RTTN: variants seen among roughly 807,000 people sequenced by gnomAD.
RTTN encodes the protein rotatin.
In RTTN, 182 loss-of-function variants were observed where a neutral mutation model predicts 269.2. The ratio of observed to expected loss-of-function variants is 0.68; its 90% CI spans 0.60 to 0.76. RTTN has a LOEUF of 0.76. Among genes scored for constraint, RTTN ranks in the 30% least tolerant of loss-of-function variants. RTTN has a pLI of 0.00. For synonymous variants in RTTN, 1,006 were observed against 963.5 expected, an observed-to-expected ratio of 1.04 and a Z score of -0.82; for missense variants, 2,545 against 2,608.6, an observed-to-expected ratio of 0.98 and a Z score of 0.53.
intron 28 of RTTN, among the ~76,000 whole-genome samples, chr18:70,107,320 T>A (rs1050041924): frequency 1.3e-5 from 2 of 152,236 alleles, no homozygotes; most frequent in Non-Finnish European, 2.9e-5. Context: ...CAGCTGCTCA[T>A]AAGCCTTTCA....
chr18:70,051,592 G>A lies in RTTN; in HGVS notation c.5186-44C>T, dbSNP rs1455724097. 2.1e-6 allele frequency: 3 copies of A among 1,452,972 alleles called. No homozygotes were observed. The South Asian group carries it at 3.8e-5, about 19-fold the overall frequency. 90.0% of individuals were successfully genotyped at this position (1,452,972 alleles called of 1,614,324 possible). On this transcript the variant is annotated intron_variant, in intron 38 of 48. Transcript: ENST00000640769. Reference sequence around the variant, plus strand: ...CACTTCAAGTTATTAACACAAAGAAGGAAAAGAACCTTTCAAGATATAAAA... The same window carrying A: ...CACTTCAAGTTATTAACACAAAGAAAGAAAAGAACCTTTCAAGATATAAAA...
At chr18:70,187,645 A>G (rs916214147) in intron 10 of RTTN, among the ~76,000 whole-genome samples, 8 of 152,228 alleles carry the variant, frequency 5.3e-5, no homozygotes, top group African/African-American at 1.7e-4. Context: ...ACTTTTCATT[A>G]GAATTGTTCA....
At chr18:70,041,056 A>C (rs934763610) in intron 40 of RTTN, among the ~76,000 whole-genome samples, 1 of 151,708 alleles carries the variant, frequency 6.6e-6, no homozygotes, top group Admixed American at 6.6e-5. Flanking sequence ...AAAATATAAA[A>C]ATTAGCTGGG....
At chr18:70,098,732 G>A (rs535129372) in intron 28 of RTTN, among the ~76,000 whole-genome samples, 6 of 152,160 alleles carry the variant, frequency 3.9e-5, no homozygotes, top group South Asian at 4.1e-4. Flanking sequence ...CCATGTTGGT[G>A]TGCTGCACCT....
rs555867809 is a variant in RTTN, at chr18:70,064,834, T to G, written c.4747+995A>C. On this transcript the variant is annotated intron_variant, in intron 35 of 48. Transcript: ENST00000640769. The stretch of plus-strand genomic sequence containing the variant: ...CTTTAAACAAGTGAATTATATGGTA[T>G]GTGAATTATATCTCAATAAAGATGT... Among the ~76,000 whole-genome samples the G allele has an allele frequency of 2.6e-5, 4 of 152,266 alleles. No individual in the cohort carries two copies. In the South Asian group the frequency reaches 8.3e-4, roughly 32 times the overall value.
chr18:70,011,285 A>C (rs188926666), intron 46 of RTTN, among the ~76,000 whole-genome samples: 12 of 152,300 alleles, frequency 7.9e-5, no homozygotes, highest in South Asian at 2.1e-4. Flanking sequence ...GACACACACA[A>C]AAAAAGGAAA....
chr18:70,114,882 T>C (rs969441598), intron 26 of RTTN, among the ~76,000 whole-genome samples: 4 of 152,098 alleles, frequency 2.6e-5, no homozygotes, highest in Admixed American at 1.3e-4. Context: ...TATATTGATA[T>C]ATAACTCTCC....
intron 46 of RTTN, among the ~76,000 whole-genome samples, chr18:70,014,176 A>C (rs2056474371): frequency 6.6e-6 from 1 of 152,240 alleles, no homozygotes. Flanking sequence ...AATTTTAATT[A>C]GTTTAAATTT....
chr18:70,130,802 AAC>A (rs1055396441), intron 23 of RTTN: 7 of 152,150 alleles, frequency 4.6e-5, no homozygotes, highest in African/African-American at 1.7e-4. Flanking sequence ...AAATGTTCCT[AAC>A]ACAGAGAATC....
chr18:70,178,335 A>G (rs891237914), intron 10 of RTTN, among the ~76,000 whole-genome samples: 1 of 151,916 alleles, frequency 6.6e-6, no homozygotes, highest in African/African-American at 2.4e-5. Flanking sequence ...GCCAAATACA[A>G]AAGTAAAATA....
chr18:70,098,712 T>A (rs1326314716), intron 28 of RTTN, among the ~76,000 whole-genome samples: 1 of 152,212 alleles, frequency 6.6e-6, no homozygotes, highest in Non-Finnish European at 1.5e-5. Flanking sequence ...GTTACATATG[T>A]ATACATGTGC....
chr18:70,122,937 C>T (rs1204588757), intron 25 of RTTN, among the ~76,000 whole-genome samples: 1 of 152,122 alleles, frequency 6.6e-6, no homozygotes, highest in East Asian at 1.9e-4. Flanking sequence ...TAACCACCCT[C>T]ATATCCCCTA....
intron 23 of RTTN, 35 bp downstream of exon 23, chr18:70,134,438 G>A (rs757159338): frequency 2.6e-5 from 37 of 1,424,270 alleles, no homozygotes; most frequent in Non-Finnish European, 3.4e-5. Context: ...ACAACATTTC[G>A]TCCTTCAAGA....
At chr18:70,005,517 T>C in intron 47 of RTTN, 1 of 338,336 alleles carries the variant, frequency 3.0e-6, no homozygotes, top group Non-Finnish European at 5.3e-6. Flanking sequence ...CCCTTCTCTT[T>C]TACTCCTTCT....
chr18:70,026,909 A>G (rs903252230), intron 43 of RTTN, among the ~76,000 whole-genome samples: 7 of 152,164 alleles, frequency 4.6e-5, no homozygotes, highest in Admixed American at 2.0e-4. Flanking sequence ...TGGATGCCCC[A>G]AAGACTCTTG....
chr18:70,169,352 T>C (rs868796146), intron 11 of RTTN, among the ~76,000 whole-genome samples: 2 of 152,324 alleles, frequency 1.3e-5, no homozygotes, highest in Middle Eastern at 3.4e-3. Context: ...CTTCTCTCCT[T>C]GAGCCCTGCA....
At chr18:70,022,389 C>T (rs1288436457) in intron 44 of RTTN, among the ~76,000 whole-genome samples, 2 of 152,144 alleles carry the variant, frequency 1.3e-5, no homozygotes, top group East Asian at 3.9e-4. Flanking sequence ...TCTCACCTCT[C>T]TTACCCTCTC....
chr18:70,155,976 G>A (rs1425606712), intron 14 of RTTN, among the ~76,000 whole-genome samples: 2 of 152,116 alleles, frequency 1.3e-5, no homozygotes, highest in Non-Finnish European at 2.9e-5. Flanking sequence ...CGTAAGCTGA[G>A]GAGGATGTAT....
chr18:70,166,046 A>G lies in RTTN; in HGVS notation c.1929+16T>C, dbSNP rs768375239. The G allele has an allele frequency of 6.2e-7, 1 of 1,612,542 alleles. No homozygotes were observed. Among genetic ancestry groups the G allele is most frequent in the East Asian group, 2.2e-5 (1 of 44,798 alleles). ...TTGTTCTCAAAAACAAAACATACGA[A>G]AAAACAAAACCTCACCTTCGTGATT... is the stretch of plus-strand genomic sequence containing the variant. On this transcript the variant is annotated intron_variant, in intron 14 of 48. Coordinates refer to ENST00000640769, the MANE Select transcript of RTTN (RefSeq NM_173630.4).
Sources: gnomAD v4.1 joint callset for allele counts (sites outside exome capture counted in the v4.1 genomes callset) on GRCh38, gnomAD v4.1.1 for gene constraint, MANE v1.5 for transcripts, NCBI Gene and HGNC (gene_info 2026-07-23, HGNC 2026-07-21) for gene names.